ATP6V0A4: variants seen among roughly 807,000 people sequenced by gnomAD.
ATP6V0A4 encodes V-type proton ATPase 116 kDa subunit a 4.
In ATP6V0A4, 86 loss-of-function variants were observed where a neutral mutation model predicts 107.3. That is an observed-to-expected ratio of 0.80 (90% CI 0.67 to 0.96). The LOEUF (loss-of-function observed/expected upper bound fraction) is 0.96. Ranked by LOEUF, ATP6V0A4 falls within the 40% of genes least tolerant of loss-of-function variation. The pLI, the probability that ATP6V0A4 is intolerant of heterozygous loss-of-function variation, is 0.00. For missense variants in ATP6V0A4, 908 were observed against 1,045.6 expected (o/e 0.87, Z 1.81); for synonymous variants, 353 against 381.4 (o/e 0.93, Z 0.87).
At chr7:138,753,772 T>A (rs453407) in intron 10 of ATP6V0A4, among the ~76,000 whole-genome samples, 99,728 of 152,036 alleles carry the variant, frequency 0.66, 33,662 homozygotes, top group African/African-American at 0.83. Flanking sequence ...CCTGTCACTT[T>A]GCAATATAAT....
chr7:138,738,908 C>T (rs1805477712), intron 15 of ATP6V0A4, among the ~76,000 whole-genome samples: 2 of 152,152 alleles, frequency 1.3e-5, no homozygotes, highest in Non-Finnish European at 2.9e-5. Context: ...CACAAGGCCG[C>T]CACCTGGTGG....
chr7:138,757,462 G>A (rs1026036922), intron 8 of ATP6V0A4, among the ~76,000 whole-genome samples: 10 of 152,114 alleles, frequency 6.6e-5, no homozygotes, highest in African/African-American at 2.4e-4. Context: ...GCTGCAGTGA[G>A]TCATGATCAT....
intron 1 of ATP6V0A4, among the ~76,000 whole-genome samples, chr7:138,796,519 A>T (rs1808670687): frequency 6.6e-6 from 1 of 152,050 alleles, no homozygotes; most frequent in African/African-American, 2.4e-5. Flanking sequence ...ATGCGCAGGA[A>T]CACTTCCACA....
Position 138,747,494 on chromosome 7 carries a change from C to G in ATP6V0A4, c.1251G>C (p.Val417=), listed in dbSNP as rs561573936. The change falls in exon 13 of 22, where the codon GTG becomes GTC. Residue 417 remains valine (V), a synonymous_variant. Coordinates refer to ENST00000310018, the MANE Select transcript of ATP6V0A4 (RefSeq NM_020632.3). The part of the protein sequence containing the change: ...VMFGDCGHGT[V]MLLAALWMIL... ...TCATCCAAAGTGCAGCCAGGAGCAT[C>G]ACGGTTCCATGACCACAGTCTCCAA... 1.9e-6 allele frequency: 3 copies of G among 1,614,140 alleles called. No individual in the cohort carries two copies. The highest frequency in any genetic ancestry group is 1.7e-5 in the Admixed American group (1 of 60,014).
At chr7:138,787,255 G>A (rs1162769377) in intron 1 of ATP6V0A4, among the ~76,000 whole-genome samples, 3 of 152,158 alleles carry the variant, frequency 2.0e-5, no homozygotes, top group African/African-American at 4.8e-5. Flanking sequence ...TGGGCATCAC[G>A]TATCCCCTCT....
At chr7:138,714,001 G>A (rs1463166009) in intron 20 of ATP6V0A4, among the ~76,000 whole-genome samples, 1 of 150,820 alleles carries the variant, frequency 6.6e-6, no homozygotes, top group Admixed American at 6.6e-5. Flanking sequence ...TACTTGGGAG[G>A]CCAAGACAGG....
chr7:138,706,864 G>T, intron 21 of ATP6V0A4, 147 bp from the exon 22 acceptor site: 5 of 1,209,114 alleles, frequency 4.1e-6, no homozygotes, highest in Non-Finnish European at 3.4e-6. Flanking sequence ...CACCCAGGCT[G>T]ATGGCTGCCA....
chr7:138,767,103 T>C (rs954205359), intron 5 of ATP6V0A4, among the ~76,000 whole-genome samples: 1 of 152,262 alleles, frequency 6.6e-6, no homozygotes, highest in African/African-American at 2.4e-5. Flanking sequence ...GTTTTTGTCT[T>C]GGAAAAGACA....
chr7:138,734,092 G>A lies in ATP6V0A4; in HGVS notation c.1691+44C>T, dbSNP rs545593553. On this transcript the variant is annotated intron_variant, in intron 16 of 21. Coordinates refer to ENST00000310018, the MANE Select transcript of ATP6V0A4 (RefSeq NM_020632.3). ...GTGGCTCTGTCACCATTCATCATCA[G>A]TGTGATCAGACAGAGCAGGCAGAGA... 30 of 1,562,418 alleles carry A rather than the reference G, an allele frequency of 1.9e-5. 1 individual carries two copies. The South Asian group carries it at 2.8e-4, about 15-fold the overall frequency.
In ATP6V0A4 at chr7:138,762,426, G is replaced by T. The variant is rs1806871280; in HGVS notation, c.426C>A (p.Thr142=). 1 of 1,613,998 alleles carries T rather than the reference G, an allele frequency of 6.2e-7. No homozygotes were observed. The highest frequency in any genetic ancestry group is 8.5e-7 in the Non-Finnish European group (1 of 1,179,964). The change falls in exon 7 of 22, where the codon ACC becomes ACA. Residue 142 remains threonine (T), a synonymous_variant. Transcript: ENST00000310018. ...KKTQDFFETE[T]NLADDFFTED... is the part of the protein sequence containing the mutation. ...CAGTAAAGAAATCATCAGCTAAATT[G>T]GTTTCCGTCTGAAAGTCAAAGCACT...
intron 8 of ATP6V0A4, among the ~76,000 whole-genome samples, chr7:138,759,052 AT>A (rs33940158): frequency 0.2 from 10,882 of 54,072 alleles, 510 homozygotes; most frequent in Middle Eastern, 0.25. Context: ...TGCCCAGCCT[AT>A]TTTTTTTTTT....
At chr7:138,769,399 C>T (rs551083614) in intron 3 of ATP6V0A4, 148 bp from the exon 4 acceptor site, 8 of 1,288,708 alleles carry the variant, frequency 6.2e-6, no homozygotes, top group Non-Finnish European at 8.3e-6. Flanking sequence ...ACTGTAACCT[C>T]CACCTCCTGG....
Position 138,752,997 on chromosome 7 carries a change from A to C in ATP6V0A4, c.817-160T>G, listed in dbSNP as rs1806312302. The C allele has an allele frequency of 7.3e-6, 6 of 825,468 alleles. No individual in the cohort carries two copies. The South Asian group carries it at 3.3e-4, about 46-fold the overall frequency. 51.1% of individuals were successfully genotyped at this position (825,468 alleles called of 1,614,324 possible). A position where few individuals can be genotyped will look rare whatever the true frequency, so the allele number is the denominator to read the frequency against. On this transcript the variant is annotated intron_variant, in intron 10 of 21. Coordinates refer to ENST00000310018, the MANE Select transcript of ATP6V0A4 (RefSeq NM_020632.3). ...GGCCTTGAACTCTCCTGAGCAGTTT[A>C]TCTCCCCCGCTAGAGGCTAAAACCC...
chr7:138,714,383 A>G (rs1169326356), intron 20 of ATP6V0A4, among the ~76,000 whole-genome samples: 1 of 152,112 alleles, frequency 6.6e-6, no homozygotes, highest in Non-Finnish European at 1.5e-5. Flanking sequence ...TTGGTGAGTC[A>G]TGATTCCTGA....
chr7:138,770,958 C>T (rs1563013402), intron 3 of ATP6V0A4, among the ~76,000 whole-genome samples, 173 bp downstream of exon 3: 1 of 75,432 alleles, frequency 1.3e-5, no homozygotes, highest in Non-Finnish European at 3.2e-5. Context: ...GAATGACCTG[C>T]CTGGTCATGA....
In ATP6V0A4 at chr7:138,730,216, G is replaced by A. The variant is rs79391424; in HGVS notation, c.1909-1354C>T. ...ACTTTTAAATGTCCAAAAGAGGAAG[G>A]GAGACCATGTGAACCCAAGCTGAAC... On this transcript the variant is annotated intron_variant, in intron 17 of 21. Coordinates refer to ENST00000310018, the MANE Select transcript of ATP6V0A4 (RefSeq NM_020632.3). Among the ~76,000 whole-genome samples the A allele has an allele frequency of 9.8e-3, 1,485 of 152,250 alleles. 31 individuals are homozygous for A. Among genetic ancestry groups the A allele is most frequent in the African/African-American group, 0.034 (1,418 of 41,548 alleles).
At position 138,706,619 on chromosome 7, in the gene ATP6V0A4, T is replaced by C. The variant is rs1803377421; in HGVS notation, c.*5A>G. On this transcript the variant is annotated 3_prime_UTR_variant, in exon 22 of 22. Transcript: ENST00000310018. ...GTGACCACCGTGGGAGGTGCAGCCCTCAGCCTACTCCTCGGCTGTGCCATC... is the reference window on the plus strand; with the variant it reads ...GTGACCACCGTGGGAGGTGCAGCCCCCAGCCTACTCCTCGGCTGTGCCATC... The C allele has an allele frequency of 9.3e-6, 15 of 1,613,840 alleles. No homozygotes were observed. The highest frequency in any genetic ancestry group is 1.3e-5 in the Non-Finnish European group (15 of 1,179,866).
intron 2 of ATP6V0A4, among the ~76,000 whole-genome samples, chr7:138,784,268 A>G (rs534539794): frequency 0.066 from 2,129 of 32,468 alleles, 41 homozygotes; most frequent in South Asian, 0.11. Context: ...ATATATATAC[A>G]TATATATATA....
At chr7:138,768,751 T>C in intron 5 of ATP6V0A4, 29 bp downstream of exon 5, 5 of 1,613,142 alleles carry the variant, frequency 3.1e-6, no homozygotes, top group Non-Finnish European at 4.2e-6. Flanking sequence ...TGTCCTTACC[T>C]GGGGAGGCCA....
Sources: allele counts gnomAD v4.1 joint callset (sites outside exome capture counted in the v4.1 genomes callset), GRCh38; gene constraint gnomAD v4.1.1; transcripts MANE v1.5; gene names NCBI Gene and HGNC (gene_info 2026-07-23, HGNC 2026-07-21).